The following NSG1 variants were observed in gnomAD, a reference collection of about 807,000 sequenced individuals.
The protein encoded by NSG1 is neuronal vesicle trafficking-associated protein 1.
NSG1 carries 9 observed loss-of-function variants against 19.3 expected under a neutral mutation model. That is an observed-to-expected ratio of 0.47 (90% CI 0.28 to 0.81). The LOEUF (loss-of-function observed/expected upper bound fraction) is 0.81. Among genes scored for constraint, NSG1 ranks in the 40% least tolerant of loss-of-function variants. NSG1 has a pLI of 0.11. For missense variants in NSG1, 236 were observed against 242.4 expected, an observed-to-expected ratio of 0.97 and a Z score of 0.18; for synonymous variants, 104 against 107.0, an observed-to-expected ratio of 0.97 and a Z score of 0.17.
chr4:4,392,118 CT>C (rs1723024322), intron 3 of NSG1, among the ~76,000 whole-genome samples: 1 of 152,088 alleles, frequency 6.6e-6, no homozygotes, highest in Non-Finnish European at 1.5e-5. Context: ...AGGATCTGAT[CT>C]GCAGGGGGTC....
At chr4:4,402,463 C>G (rs967601797) in intron 3 of NSG1, among the ~76,000 whole-genome samples, 2 of 145,162 alleles carry the variant, frequency 1.4e-5, no homozygotes, top group Non-Finnish European at 3.0e-5. Context: ...TCTCGGCTCA[C>G]TGCAAGCTCC....
At chr4:4,413,028 C>G (rs1724302972) in intron 4 of NSG1, among the ~76,000 whole-genome samples, 1 of 152,126 alleles carries the variant, frequency 6.6e-6, no homozygotes, top group Non-Finnish European at 1.5e-5. Flanking sequence ...TGCTGTCCTT[C>G]AGGCTCCCGA....
At position 4,417,233 on chromosome 4, in the gene NSG1, A is replaced by G. The variant is rs1319879955; in HGVS notation, c.358-2A>G. 6.2e-7 allele frequency: 1 copy of G among 1,613,774 alleles called. No homozygotes were observed. The highest frequency in any genetic ancestry group is 1.3e-5 in the African/African-American group (1 of 75,058). On this transcript the variant is annotated splice_acceptor_variant, in intron 4 of 4. Coordinates refer to ENST00000621129, the MANE Select transcript of NSG1 (RefSeq NM_014392.5). LOFTEE classifies it high-confidence loss of function. ...TGCTCTCAGTGGCCTCTTGTCTTTC[A>G]GAACACCCAGTGCATCCCAGAAGGC...
intron 3 of NSG1, among the ~76,000 whole-genome samples, chr4:4,397,199 C>T (rs1723300450): frequency 6.6e-6 from 1 of 151,034 alleles, no homozygotes; most frequent in African/African-American, 2.4e-5. Context: ...ATGCTCATTT[C>T]CTTCTCCCTC....
intron 3 of NSG1, among the ~76,000 whole-genome samples, chr4:4,392,169 T>TC (rs1270858844): frequency 6.8e-6 from 1 of 147,624 alleles, no homozygotes; most frequent in Non-Finnish European, 1.5e-5. Context: ...CTTCCCCCCA[T>TC]CCCAATGGGA....
At chr4:4,397,090 A>G (rs1047121818) in intron 3 of NSG1, among the ~76,000 whole-genome samples, 2 of 150,300 alleles carry the variant, frequency 1.3e-5, no homozygotes, top group African/African-American at 2.4e-5. Context: ...GGTTACCTAA[A>G]ATATTTAGTG....
At chr4:4,388,606 C>T (rs1258441453) in intron 2 of NSG1, among the ~76,000 whole-genome samples, 1 of 152,232 alleles carries the variant, frequency 6.6e-6, no homozygotes, top group Non-Finnish European at 1.5e-5. Context: ...CTGCCGCTTA[C>T]GAACCACCAC....
intron 3 of NSG1, among the ~76,000 whole-genome samples, chr4:4,408,758 C>A (rs1322830408): frequency 9.2e-5 from 14 of 152,326 alleles, no homozygotes; most frequent in African/African-American, 3.4e-4. Flanking sequence ...CCACGCCCAG[C>A]CCGTTTTGGC....
chr4:4,411,919 A>G (rs1304428309), intron 4 of NSG1, among the ~76,000 whole-genome samples: 1 of 152,162 alleles, frequency 6.6e-6, no homozygotes, highest in Non-Finnish European at 1.5e-5. Flanking sequence ...GGTAACATAA[A>G]CAAGTAACAT....
At chr4:4,396,251 C>T (rs1723243512) in intron 3 of NSG1, among the ~76,000 whole-genome samples, 1 of 152,222 alleles carries the variant, frequency 6.6e-6, no homozygotes, top group Non-Finnish European at 1.5e-5. Context: ...TTGCAGTTCT[C>T]CTTCCGGTCT....
chr4:4,414,534 G>A (rs1484720805), intron 4 of NSG1, among the ~76,000 whole-genome samples: 1 of 152,206 alleles, frequency 6.6e-6, no homozygotes, highest in African/African-American at 2.4e-5. Context: ...AGCTCATGAA[G>A]TCCCCTTGAC....
intron 3 of NSG1, among the ~76,000 whole-genome samples, chr4:4,409,097 C>T (rs1012435336): frequency 6.6e-5 from 10 of 152,260 alleles, no homozygotes; most frequent in South Asian, 2.1e-4. Flanking sequence ...CCTGGTCCCA[C>T]GCAAAAGCAG....
chr4:4,417,673 C>A lies in NSG1; in HGVS notation c.*238C>A. The A allele has an allele frequency of 1.9e-6, 1 of 533,716 alleles. No homozygotes were observed. The highest frequency in any genetic ancestry group is 3.3e-6 in the Non-Finnish European group (1 of 298,914). The allele number at this position is 533,716 out of a possible 1,614,324, so 33.1% of individuals were successfully genotyped here. A position where few individuals can be genotyped will look rare whatever the true frequency, so the allele number is the denominator to read the frequency against. Reference sequence around the variant, plus strand: ...ACACCACTTTTCATGTTAAGATCTTCATTTAGCTCCTTTACTGGGATTTAT... The same window carrying A: ...ACACCACTTTTCATGTTAAGATCTTAATTTAGCTCCTTTACTGGGATTTAT... On this transcript the variant is annotated 3_prime_UTR_variant, in exon 5 of 5. Coordinates refer to ENST00000621129, the MANE Select transcript of NSG1 (RefSeq NM_014392.5).
chr4:4,386,933 C>G (rs547306830), upstream of NSG1: 6 of 152,142 alleles, frequency 3.9e-5, no homozygotes, highest in South Asian at 1.0e-3. Flanking sequence ...TTTGTGCGGC[C>G]GGGCGGGCGC....
At chr4:4,398,273 TGTG>T (rs538896156) in intron 3 of NSG1, among the ~76,000 whole-genome samples, 38 of 152,302 alleles carry the variant, frequency 2.5e-4, no homozygotes, top group African/African-American at 8.4e-4. Context: ...TTTAAATAAT[TGTG>T]GTAAAATATG....
At chr4:4,408,150 G>A (rs959733623) in intron 3 of NSG1, among the ~76,000 whole-genome samples, 6 of 152,148 alleles carry the variant, frequency 3.9e-5, no homozygotes, top group Non-Finnish European at 8.8e-5. Flanking sequence ...GGGCTCAGGA[G>A]GGCACTCTGC....
rs1560150146 is a variant in NSG1 at position 4,417,353 on chromosome 4, G to GC, written c.477dup (p.Ser160LeufsTer20). The GC allele has an allele frequency of 6.2e-7, 1 of 1,614,152 alleles. No homozygotes were observed. Among genetic ancestry groups the GC allele is most frequent in the Admixed American group, 1.7e-5 (1 of 60,018 alleles). Reference sequence around the variant, plus strand: ...AACCTGGCCAAGCAGAGCATCACGCGCTCCGTATCGCCCTGGATGTCAGTT... The same window carrying GC: ...AACCTGGCCAAGCAGAGCATCACGCGCCTCCGTATCGCCCTGGATGTCAGTT... On this transcript the variant is annotated frameshift_variant, in exon 5 of 5. Transcript: ENST00000621129. LOFTEE classifies it high-confidence loss of function.
Position 4,417,226 on chromosome 4 carries a change from G to C in NSG1, c.358-9G>C. 1 of 1,613,528 alleles carries C rather than the reference G, an allele frequency of 6.2e-7. No homozygotes were observed. ...CGACGCGTGCTCTCAGTGGCCTCTT[G>C]TCTTTCAGAACACCCAGTGCATCCC... On this transcript the variant is annotated splice_polypyrimidine_tract_variant and intron_variant, in intron 4 of 4. Transcript: ENST00000621129.
At chr4:4,403,353 C>G (rs1161634744) in intron 3 of NSG1, among the ~76,000 whole-genome samples, 1 of 152,222 alleles carries the variant, frequency 6.6e-6, no homozygotes, top group Non-Finnish European at 1.5e-5. Flanking sequence ...TGTCCGGAGG[C>G]TCTTAGGCAG....
Sources: allele counts gnomAD v4.1 joint callset (sites outside exome capture counted in the v4.1 genomes callset), GRCh38; gene constraint gnomAD v4.1.1; transcripts MANE v1.5; gene names NCBI Gene and HGNC (gene_info 2026-07-23, HGNC 2026-07-21).